Variants in LRRC8D observed in about 807,000 individuals in gnomAD.
LRRC8D encodes the protein volume-regulated anion channel subunit LRRC8D.
In LRRC8D, 20 loss-of-function variants were observed where a neutral mutation model predicts 55.8. The observed-to-expected ratio is 0.36, with a 90% confidence interval of 0.25 to 0.52. LRRC8D has a LOEUF of 0.52. LRRC8D is among the 20% of genes least tolerant of loss of function. LRRC8D has a pLI of 0.93. For synonymous variants in LRRC8D, 352 were observed against 377.0 expected, an observed-to-expected ratio of 0.93 and a Z score of 0.77; for missense variants, 651 against 1,030.8, an observed-to-expected ratio of 0.63 and a Z score of 5.05.
intron 2 of LRRC8D, among the ~76,000 whole-genome samples, chr1:89,874,772 G>C (rs1662108889): frequency 6.6e-6 from 1 of 152,176 alleles, no homozygotes; most frequent in Non-Finnish European, 1.5e-5. Context: ...GCTGTTCATA[G>C]ATAAAAGTAA....
chr1:89,870,466 ACC>A (rs1419877700), intron 2 of LRRC8D, among the ~76,000 whole-genome samples: 1 of 151,968 alleles, frequency 6.6e-6, no homozygotes, highest in African/African-American at 2.4e-5. Context: ...ACAAAGCGAG[ACC>A]CTGTATCAAA....
chr1:89,850,094 G>T (rs954115690), intron 2 of LRRC8D, among the ~76,000 whole-genome samples: 1 of 152,058 alleles, frequency 6.6e-6, no homozygotes, highest in Non-Finnish European at 1.5e-5. Context: ...TTAAAAATCT[G>T]GTCATATTGT....
intron 1 of LRRC8D, chr1:89,843,396 C>G (rs1275567081): frequency 3.2e-6 from 1 of 317,324 alleles, no homozygotes; most frequent in African/African-American, 2.2e-5. Flanking sequence ...AGCGGGCGGG[C>G]GGGTGGCTGG....
intron 1 of LRRC8D, among the ~76,000 whole-genome samples, chr1:89,828,673 G>C (rs1028640365): frequency 6.6e-6 from 1 of 152,126 alleles, no homozygotes; most frequent in Admixed American, 6.5e-5. Context: ...TTTTCAAGAT[G>C]TCTGTGTCTA....
chr1:89,886,682 C>T (rs140565835), intron 2 of LRRC8D, among the ~76,000 whole-genome samples: 170 of 152,168 alleles, frequency 1.1e-3, no homozygotes, highest in African/African-American at 3.3e-3. Context: ...TTTAATAAAA[C>T]GGAAATATGC....
chr1:89,843,044 T>A (rs959255298), intron 1 of LRRC8D: 1 of 152,272 alleles, frequency 6.6e-6, no homozygotes, highest in African/African-American at 2.4e-5. Context: ...GTGTGCACGC[T>A]TTCTCTTTTG....
At chr1:89,840,158 C>T (rs980026099) in intron 1 of LRRC8D, among the ~76,000 whole-genome samples, 12 of 152,150 alleles carry the variant, frequency 7.9e-5, no homozygotes, top group South Asian at 2.1e-4. Flanking sequence ...TACCTGAGAG[C>T]GCATTTTTTC....
At position 89,878,810 on chromosome 1, in the gene LRRC8D, A is replaced by C. The variant is rs1260712983; in HGVS notation, c.-3+35028A>C. The stretch of plus-strand genomic sequence containing the variant: ...GTGAAACCCTGTCTCTACTAAAAAT[A>C]CAAAAATTTAGCCAGGCATGGTAGT... On this transcript the variant is annotated intron_variant, in intron 2 of 2. Transcript: ENST00000337338. Among the ~76,000 whole-genome samples, 4 of 152,196 alleles carry C rather than the reference A, an allele frequency of 2.6e-5. 1 individual carries two copies. The highest frequency in any genetic ancestry group is 6.8e-3 in the Middle Eastern group (2 of 294).
chr1:89,903,139 A>T (rs1357080150), intron 2 of LRRC8D, among the ~76,000 whole-genome samples: 3 of 152,194 alleles, frequency 2.0e-5, no homozygotes, highest in African/African-American at 7.2e-5. Flanking sequence ...CAGAGCCAGG[A>T]TTCTTCGCTC....
At chr1:89,885,819 G>A (rs1012810381) in intron 2 of LRRC8D, among the ~76,000 whole-genome samples, 1 of 152,154 alleles carries the variant, frequency 6.6e-6, no homozygotes, top group African/African-American at 2.4e-5. Context: ...CTCAAACCAT[G>A]GCTTCAGGCT....
At chr1:89,845,343 A>G (rs967753944) in intron 2 of LRRC8D, among the ~76,000 whole-genome samples, 1 of 152,240 alleles carries the variant, frequency 6.6e-6, no homozygotes, top group African/African-American at 2.4e-5. Context: ...TCCTAGATAG[A>G]CATGAACTTC....
chr1:89,837,035 G>C (rs1415051682), intron 1 of LRRC8D, among the ~76,000 whole-genome samples: 1 of 152,078 alleles, frequency 6.6e-6, no homozygotes, highest in Non-Finnish European at 1.5e-5. Flanking sequence ...ATAAGTTTTG[G>C]TTGATTTAGG....
rs1171197961 is a variant in LRRC8D at position 89,936,560 on chromosome 1, T to C, written c.*915T>C. 6.6e-6 allele frequency: 1 copy of C among 152,204 alleles called. No homozygotes were observed. Among genetic ancestry groups the C allele is most frequent in the Non-Finnish European group, 1.5e-5 (1 of 68,028 alleles). The allele number at this position is 152,204 out of a possible 1,614,324, so 9.4% of individuals were successfully genotyped here. On this transcript the variant is annotated 3_prime_UTR_variant, in exon 3 of 3. Transcript: ENST00000337338. The stretch of plus-strand genomic sequence containing the variant: ...TGTTCTGGTGTTGGTGGGAAAATAA[T>C]AGGAAATGTAGTTCATTGGGTAGGG...
chr1:89,854,219 G>C (rs1376288475), intron 2 of LRRC8D, among the ~76,000 whole-genome samples: 1 of 152,170 alleles, frequency 6.6e-6, no homozygotes, highest in Non-Finnish European at 1.5e-5. Flanking sequence ...CAGTAAAGGA[G>C]GAGATGAAAT....
rs1285229318 is a variant in LRRC8D at position 89,934,453 on chromosome 1, A to T, written c.1385A>T (p.Gln462Leu). ...NHEWTFEKLRQHISRNAQDKQ... is the reference protein window; with the variant it reads ...NHEWTFEKLRLHISRNAQDKQ... Reference sequence around the variant, plus strand: ...GAGTGGACATTTGAAAAACTCAGGCAGCACATTTCACGCAACGCCCAGGAC... The same window carrying T: ...GAGTGGACATTTGAAAAACTCAGGCTGCACATTTCACGCAACGCCCAGGAC... Residue 462 changes from glutamine to leucine, a missense_variant, in exon 3 of 3, where the codon CAG becomes CTG. Physicochemically the swap from Gln to Leu is moderately radical, Grantham distance 113. Transcript: ENST00000337338. This position sits in a 1 kb window ranked among gnomAD's most constrained non-coding sequence, Gnocchi z 5.9. 6.2e-7 allele frequency: 1 copy of T among 1,614,198 alleles called. No individual in the cohort carries two copies. The highest frequency in any genetic ancestry group is 1.7e-5 in the Admixed American group (1 of 60,022).
At chr1:89,915,048 T>TG (rs1322262170) in intron 2 of LRRC8D, among the ~76,000 whole-genome samples, 33 of 145,320 alleles carry the variant, frequency 2.3e-4, no homozygotes, top group Admixed American at 2.2e-3. Context: ...GTGTGTGTGG[T>TG]GTGTGTGTAT....
intron 1 of LRRC8D, chr1:89,821,904 C>G (rs1241985261): frequency 6.6e-6 from 1 of 152,070 alleles, no homozygotes; most frequent in African/African-American, 2.4e-5. Flanking sequence ...CGGGCCGTCT[C>G]CGGGTTGGGT....
intron 2 of LRRC8D, among the ~76,000 whole-genome samples, chr1:89,850,301 G>A (rs1273035745): frequency 6.6e-6 from 1 of 152,134 alleles, no homozygotes; most frequent in Middle Eastern, 3.2e-3. Flanking sequence ...TTTATTTTAA[G>A]TTTAGGGGTA....
intron 2 of LRRC8D, among the ~76,000 whole-genome samples, chr1:89,927,898 G>A (rs1663608676): frequency 6.6e-6 from 1 of 152,148 alleles, no homozygotes; most frequent in Non-Finnish European, 1.5e-5. Flanking sequence ...CACGTGGAAG[G>A]AAAATGACAA....
Sources: allele counts gnomAD v4.1 joint callset (sites outside exome capture counted in the v4.1 genomes callset), GRCh38; gene constraint gnomAD v4.1.1; non-coding constraint Gnocchi (gnomAD v3.1); transcripts MANE v1.5; gene names NCBI Gene and HGNC (gene_info 2026-07-23, HGNC 2026-07-21).